Variants in SYNCRIP observed in about 807,000 individuals in gnomAD.
The protein encoded by SYNCRIP is heterogeneous nuclear ribonucleoprotein Q.
In SYNCRIP, 9 loss-of-function variants were observed where a neutral mutation model predicts 68.9. That is an observed-to-expected ratio of 0.13 (90% CI 0.08 to 0.23). The LOEUF is 0.23. SYNCRIP is among the 10% of genes least tolerant of loss of function. The pLI, the probability that SYNCRIP is intolerant of heterozygous loss-of-function variation, is 1.00. For missense variants in SYNCRIP, 414 were observed against 770.6 expected (o/e 0.54, Z 5.48); for synonymous variants, 258 against 254.0 (o/e 1.02, Z -0.15).
intron 4 of SYNCRIP, among the ~76,000 whole-genome samples, chr6:85,638,591 G>A (rs896211584): frequency 6.6e-6 from 1 of 151,930 alleles, no homozygotes. Flanking sequence ...ATAATCTAGG[G>A]TCACCTCAGT....
chr6:85,634,344 C>A (rs1462822949), intron 6 of SYNCRIP, among the ~76,000 whole-genome samples: 4 of 152,068 alleles, frequency 2.6e-5, no homozygotes, highest in African/African-American at 9.7e-5. Flanking sequence ...TGGTCACCTA[C>A]CATAATTGGT....
In SYNCRIP at chr6:85,615,140, T is replaced by C; in HGVS notation, c.1488A>G (p.Arg496=). The C allele has an allele frequency of 6.2e-7, 1 of 1,613,892 alleles. No individual in the cohort carries two copies. The highest frequency in any genetic ancestry group is 8.5e-7 in the Non-Finnish European group (1 of 1,180,004). Residue 496 remains arginine (R), a synonymous_variant, in exon 11 of 11, where the codon AGA becomes AGG. Coordinates refer to ENST00000369622, the MANE Select transcript of SYNCRIP (RefSeq NM_006372.5). ...YGYEDFQVGA[R]GRGGRGARGA... Reference sequence around the variant, plus strand: ...CCCTTGCTCCTCTACCACCCCTTCCTCTAGCTCCAACTTGAAAATCTTCAT... The same window carrying C: ...CCCTTGCTCCTCTACCACCCCTTCCCCTAGCTCCAACTTGAAAATCTTCAT...
At chr6:85,628,223 T>C (rs931818031) in intron 6 of SYNCRIP, among the ~76,000 whole-genome samples, 5 of 151,942 alleles carry the variant, frequency 3.3e-5, no homozygotes, top group Admixed American at 6.6e-5. Flanking sequence ...ACCCGGCTAA[T>C]TTTTGTATTT....
Position 85,642,789 on chromosome 6 carries a change from G to C in SYNCRIP, c.-13+8C>G, listed in dbSNP as rs1428722864. 1.3e-5 allele frequency: 2 copies of C among 152,826 alleles called. No individual in the cohort carries two copies. The highest frequency in any genetic ancestry group is 3.9e-4 in the East Asian group (2 of 5,148). 9.5% of individuals were successfully genotyped at this position (152,826 alleles called of 1,614,324 possible). A position where few individuals can be genotyped will look rare whatever the true frequency, so the allele number is the denominator to read the frequency against. ...CCCCTCCCACACCCAGGTTCTGGCAGTCGTTACCTCCCCGTTGGGCTGAGG... is the reference window on the plus strand; with the variant it reads ...CCCCTCCCACACCCAGGTTCTGGCACTCGTTACCTCCCCGTTGGGCTGAGG... On this transcript the variant is annotated splice_region_variant and intron_variant, in intron 1 of 10. Coordinates refer to ENST00000369622, the MANE Select transcript of SYNCRIP (RefSeq NM_006372.5).
intron 7 of SYNCRIP, among the ~76,000 whole-genome samples, chr6:85,623,570 A>C (rs1005729879): frequency 6.6e-6 from 1 of 150,636 alleles, no homozygotes; most frequent in African/African-American, 2.4e-5. Flanking sequence ...TCCAAAAAAA[A>C]AAAAAAAAAA....
chr6:85,623,858 G>A, intron 7 of SYNCRIP, 119 bp downstream of exon 7: 1 of 1,243,758 alleles, frequency 8.0e-7, no homozygotes, highest in South Asian at 1.4e-5. Flanking sequence ...CACTTCAAAA[G>A]TTGTAGTGAG....
chr6:85,635,557 G>A (rs1294950695), intron 6 of SYNCRIP, among the ~76,000 whole-genome samples: 1 of 151,958 alleles, frequency 6.6e-6, no homozygotes, highest in Non-Finnish European at 1.5e-5. Context: ...ATCTTCTGAG[G>A]TCAAGAGTTC....
In SYNCRIP at chr6:85,616,750, T is replaced by C. The variant is rs184857874; in HGVS notation, c.1281-1403A>G. ...TAGACCTTTTATGTGCTCTGCTGGTTTATTGTTTTGAGGAAATGATGGAAA... is the reference window on the plus strand; with the variant it reads ...TAGACCTTTTATGTGCTCTGCTGGTCTATTGTTTTGAGGAAATGATGGAAA... On this transcript the variant is annotated intron_variant, in intron 10 of 10. Coordinates refer to ENST00000369622, the MANE Select transcript of SYNCRIP (RefSeq NM_006372.5). Among the ~76,000 whole-genome samples the C allele has an allele frequency of 4.5e-3, 682 of 152,322 alleles. 1 individual carries two copies. Among genetic ancestry groups the C allele is most frequent in the South Asian group, 9.1e-3 (44 of 4,822 alleles).
intron 6 of SYNCRIP, 108 bp downstream of exon 6, chr6:85,636,859 A>T: frequency 8.9e-7 from 1 of 1,125,962 alleles, no homozygotes; most frequent in Non-Finnish European, 1.3e-6. Flanking sequence ...AACCTGCCTA[A>T]ATCAGTACTT....
At chr6:85,623,581 A>AAAAAAAAAAAAAAAAC (rs1562087833) in intron 7 of SYNCRIP, among the ~76,000 whole-genome samples, 1 of 150,912 alleles carries the variant, frequency 6.6e-6, no homozygotes, top group Non-Finnish European at 1.5e-5. Flanking sequence ...AAAAAAAAAA[A>AAAAAAAAAAAAAAAAC]AACACTCTGC....
chr6:85,635,137 C>A (rs922189131), intron 6 of SYNCRIP, among the ~76,000 whole-genome samples: 1 of 152,092 alleles, frequency 6.6e-6, no homozygotes, highest in African/African-American at 2.4e-5. Context: ...CACACTCCAG[C>A]GTGGGTGACA....
rs766359104 is a variant in SYNCRIP, at chr6:85,614,953, C to T, written c.1675G>A (p.Gly559Arg). ...GCTTTGCGCTTTCCTCCTACATTTC[C>T]ACCGCGGCCACCCCTCGCACCACGT... ...GVRGARGGRGGNVGGKRKADG... is the reference protein window; with the variant it reads ...GVRGARGGRGRNVGGKRKADG... Residue 559 changes from glycine to arginine, a missense_variant, in exon 11 of 11, where the codon GGA becomes AGA. By Grantham distance (125) the Gly-to-Arg change is moderately radical. Transcript: ENST00000369622. 2.1e-5 allele frequency: 34 copies of T among 1,613,844 alleles called. No individual in the cohort carries two copies. Among genetic ancestry groups the T allele is most frequent in the Non-Finnish European group, 8.5e-7 (1 of 1,179,944 alleles).
Position 85,630,218 on chromosome 6 carries a change from C to T in SYNCRIP, c.667-6106G>A, listed in dbSNP as rs989971856. 1.6e-4 allele frequency among the ~76,000 whole-genome samples: 24 copies of T among 151,924 alleles called. 1 individual carries two copies. The highest frequency in any genetic ancestry group is 6.2e-4 in the South Asian group (3 of 4,802). On this transcript the variant is annotated intron_variant, in intron 6 of 10. Transcript: ENST00000369622. ...CTACTAAAAATACAAAAAAATTAGC[C>T]GGGTGTGGTGGCAGGCGCCTGTAGT...
At chr6:85,639,075 G>T (rs534113756) in intron 4 of SYNCRIP, among the ~76,000 whole-genome samples, 1 of 152,262 alleles carries the variant, frequency 6.6e-6, no homozygotes, top group African/African-American at 2.4e-5. Context: ...GGGCCTGGTG[G>T]CACCCACCGG....
chr6:85,631,509 A>T (rs1807786590), intron 6 of SYNCRIP, among the ~76,000 whole-genome samples: 1 of 152,202 alleles, frequency 6.6e-6, no homozygotes, highest in Non-Finnish European at 1.5e-5. Flanking sequence ...TGCCAAATAT[A>T]AAGGGCAACA....
At chr6:85,607,947 TG>T (rs1804962533), downstream of SYNCRIP, 1 of 152,064 alleles carries the variant, frequency 6.6e-6, no homozygotes, top group African/African-American at 2.4e-5. Context: ...CTTGTCCTGA[TG>T]GAAGTGGCCA....
At chr6:85,622,002 T>C (rs1350397865) in intron 8 of SYNCRIP, among the ~76,000 whole-genome samples, 1 of 148,736 alleles carries the variant, frequency 6.7e-6, no homozygotes, top group Non-Finnish European at 1.5e-5. Flanking sequence ...TGCAGGCACA[T>C]GGTATTTCCA....
chr6:85,634,212 A>C (rs943084134), intron 6 of SYNCRIP, among the ~76,000 whole-genome samples: 15 of 152,176 alleles, frequency 9.9e-5, no homozygotes, highest in Non-Finnish European at 2.1e-4. Flanking sequence ...GTACAAATGG[A>C]AACATTTCCT....
chr6:85,642,972 T>TGCGC (rs987175445), upstream of SYNCRIP: 2 of 151,874 alleles, frequency 1.3e-5, no homozygotes, highest in Non-Finnish European at 1.5e-5. Context: ...GCGCTCCCGG[T>TGCGC]GCGCGCGCGC....
Sources: allele counts gnomAD v4.1 joint callset (sites outside exome capture counted in the v4.1 genomes callset), GRCh38; gene constraint gnomAD v4.1.1; transcripts MANE v1.5; gene names NCBI Gene and HGNC (gene_info 2026-07-23, HGNC 2026-07-21).